RIMKLB: variants seen among roughly 807,000 people sequenced by gnomAD.
RIMKLB encodes the protein ribosomal modification protein rimK like family member B.
RIMKLB carries 7 observed loss-of-function variants against 32.0 expected under a neutral mutation model. The observed-to-expected ratio is 0.22, with a 90% CI of 0.12 to 0.41. The LOEUF (loss-of-function observed/expected upper bound fraction) is 0.41, where lower values mean the gene tolerates loss of function less well. Among genes scored for constraint, RIMKLB ranks in the 10% least tolerant of loss-of-function variants. The pLI, the probability that RIMKLB is intolerant of heterozygous loss-of-function variation, is 1.00. For missense variants in RIMKLB, 289 were observed against 498.7 expected (o/e 0.58, Z 4.00); for synonymous variants, 172 against 185.1 (o/e 0.93, Z 0.57).
chr12:8,774,968 GGGAAACAGA>G lies in RIMKLB; in HGVS notation c.*1186_*1194del, dbSNP rs1381561631. 1.0e-6 allele frequency: 1 copy of G among 985,572 alleles called. No individual in the cohort carries two copies. The highest frequency in any genetic ancestry group is 1.2e-6 in the Non-Finnish European group (1 of 829,900). The allele number at this position is 985,572 out of a possible 1,614,324, so 61.1% of individuals were successfully genotyped here. On this transcript the variant is annotated 3_prime_UTR_variant, in exon 6 of 6. Coordinates refer to ENST00000535829, the MANE Select transcript of RIMKLB (RefSeq NM_001297776.2). Reference sequence around the variant, plus strand: ...GATAATTTAGAAAATGGAGCATGATGGGAAACAGAGTTTTTGACTTTAAAAAACAGATGA... The same window carrying G: ...GATAATTTAGAAAATGGAGCATGATGGTTTTTGACTTTAAAAAACAGATGA...
At chr12:8,698,482 C>A (rs1335234495) in intron 1 of RIMKLB, among the ~76,000 whole-genome samples, 185 bp downstream of exon 1, 1 of 151,696 alleles carries the variant, frequency 6.6e-6, no homozygotes, top group Non-Finnish European at 1.5e-5. Context: ...TCCGCGGAGT[C>A]GGTGGGGAGC....
intron 2 of RIMKLB, among the ~76,000 whole-genome samples, chr12:8,737,889 T>C (rs1170918949): frequency 6.6e-6 from 1 of 152,174 alleles, no homozygotes; most frequent in African/African-American, 2.4e-5. Flanking sequence ...TAATTTTGTA[T>C]TTTTAGTAGA....
At chr12:8,744,205 T>C (rs1684449807) in intron 2 of RIMKLB, among the ~76,000 whole-genome samples, 1 of 151,960 alleles carries the variant, frequency 6.6e-6, no homozygotes, top group South Asian at 2.1e-4. Flanking sequence ...CACTTTGCCT[T>C]TTTGGCTCAC....
chr12:8,732,754 T>TACACACAC (rs796544776), intron 2 of RIMKLB, among the ~76,000 whole-genome samples: 1 of 144,746 alleles, frequency 6.9e-6, no homozygotes, highest in African/African-American at 2.9e-5. Context: ...ATTATATATA[T>TACACACAC]ATACACACAC....
At chr12:8,723,982 A>AGTTTTGTTTT (rs75784732) in intron 2 of RIMKLB, among the ~76,000 whole-genome samples, 109 of 150,938 alleles carry the variant, frequency 7.2e-4, no homozygotes, top group Middle Eastern at 3.4e-3. Flanking sequence ...TGCCTGGCTA[A>AGTTTTGTTTT]GTTTTGTTTT....
chr12:8,733,996 C>G (rs775871432), intron 2 of RIMKLB, among the ~76,000 whole-genome samples: 3 of 152,288 alleles, frequency 2.0e-5, no homozygotes, highest in South Asian at 2.1e-4. Context: ...GAGGAGGACA[C>G]TGTCCTCACC....
At chr12:8,679,486 C>G (rs187600897), upstream of RIMKLB, 21 of 159,332 alleles carry the variant, frequency 1.3e-4, 1 homozygote, top group East Asian at 2.4e-3. Context: ...CCAGTGCGCC[C>G]AGCCCATTCC....
At chr12:8,722,508 A>G (rs1849573236) in intron 2 of RIMKLB, among the ~76,000 whole-genome samples, 1 of 152,208 alleles carries the variant, frequency 6.6e-6, no homozygotes, top group South Asian at 2.1e-4. Flanking sequence ...ATAACTTTTA[A>G]GAACCCTAGG....
intron 5 of RIMKLB, among the ~76,000 whole-genome samples, chr12:8,756,680 T>C (rs868485445): frequency 1.9e-4 from 28 of 145,446 alleles, no homozygotes; most frequent in African/African-American, 6.9e-4. Flanking sequence ...AATTTTACTT[T>C]CTACTTTTTT....
intron 1 of RIMKLB, among the ~76,000 whole-genome samples, chr12:8,711,195 C>G (rs1187614575): frequency 2.6e-5 from 4 of 151,840 alleles, no homozygotes; most frequent in Admixed American, 2.0e-4. Context: ...GGTTGCGCCA[C>G]TGCACTCCAG....
chr12:8,749,002 G>A (rs1948398335), intron 2 of RIMKLB, among the ~76,000 whole-genome samples: 1 of 151,722 alleles, frequency 6.6e-6, no homozygotes, highest in Non-Finnish European at 1.5e-5. Flanking sequence ...TAAATAGAAT[G>A]GTATTGGATA....
At chr12:8,740,353 T>C (rs1440451248) in intron 2 of RIMKLB, among the ~76,000 whole-genome samples, 1 of 152,234 alleles carries the variant, frequency 6.6e-6, no homozygotes, top group Non-Finnish European at 1.5e-5. Context: ...TACAGTGTTT[T>C]TTATTTCAGT....
At chr12:8,706,203 G>A (rs145638968) in intron 1 of RIMKLB, among the ~76,000 whole-genome samples, 1,961 of 146,390 alleles carry the variant, frequency 0.013, 40 homozygotes, top group African/African-American at 0.048. Flanking sequence ...GCAATGGTGC[G>A]ATCTCAGCTC....
At chr12:8,733,743 C>T (rs1482158238) in intron 2 of RIMKLB, among the ~76,000 whole-genome samples, 2 of 151,998 alleles carry the variant, frequency 1.3e-5, no homozygotes, top group Non-Finnish European at 2.9e-5. Flanking sequence ...ATTAGCCGGA[C>T]GTGATGGTGC....
downstream of RIMKLB, among the ~76,000 whole-genome samples, chr12:8,781,350 TAAA>T (rs1466740948): frequency 6.6e-6 from 1 of 152,026 alleles, no homozygotes; most frequent in African/African-American, 2.4e-5. Context: ...CTCAAATAAA[TAAA>T]AATCAAAACT....
intron 2 of RIMKLB, among the ~76,000 whole-genome samples, chr12:8,717,086 T>G (rs1298913472): frequency 2.0e-5 from 3 of 151,350 alleles, no homozygotes; most frequent in Non-Finnish European, 4.4e-5. Context: ...TTTTTTACAT[T>G]TTTTATGTAT....
intron 2 of RIMKLB, among the ~76,000 whole-genome samples, chr12:8,733,185 A>G (rs138179125): frequency 9.4e-4 from 143 of 152,292 alleles, no homozygotes; most frequent in Admixed American, 1.9e-3. Flanking sequence ...GGATGCTGCT[A>G]AATATCTCGT....
chr12:8,687,138 C>T (rs1281313388), intron 1 of RIMKLB, among the ~76,000 whole-genome samples: 1 of 152,178 alleles, frequency 6.6e-6, no homozygotes, highest in Non-Finnish European at 1.5e-5. Flanking sequence ...GCCAGATAAA[C>T]ACAGGATGAT....
At position 8,775,687 on chromosome 12, in the gene RIMKLB, TTTG is replaced by T. The variant is rs1374938161; in HGVS notation, c.*1906_*1908del. The T allele has an allele frequency of 8.1e-6, 8 of 985,266 alleles. No homozygotes were observed. The highest frequency in any genetic ancestry group is 6.1e-5 in the Admixed American group (1 of 16,294). 61.0% of individuals were successfully genotyped at this position (985,266 alleles called of 1,614,324 possible). ...CGTTTTAAAAAGGAATGTAATAAAA[TTTG>T]TTTTTTCCATAGAATTAAATAATAT... is the stretch of plus-strand genomic sequence containing the variant. On this transcript the variant is annotated 3_prime_UTR_variant, in exon 6 of 6. Transcript: ENST00000535829.
Sources: gnomAD v4.1 joint callset for allele counts (sites outside exome capture counted in the v4.1 genomes callset) on GRCh38, gnomAD v4.1.1 for gene constraint, MANE v1.5 for transcripts, NCBI Gene and HGNC (gene_info 2026-07-23, HGNC 2026-07-21) for gene names.